The following KIAA1328 variants were observed in gnomAD, a reference collection of about 807,000 sequenced individuals.
KIAA1328 encodes the protein KIAA1328, also known as protein hinderin.
In KIAA1328, 52 loss-of-function variants were observed where a neutral mutation model predicts 68.1. The ratio of observed to expected loss-of-function variants is 0.76; its 90% CI spans 0.61 to 0.96. The LOEUF (loss-of-function observed/expected upper bound fraction) is 0.96. Among genes scored for constraint, KIAA1328 ranks in the 40% least tolerant of loss-of-function variants. KIAA1328 has a pLI of 0.00. For synonymous variants in KIAA1328, 232 were observed against 239.4 expected (o/e 0.97, Z 0.28); for missense variants, 641 against 677.6 (o/e 0.95, Z 0.60).
chr18:36,916,459 A>G (rs1286940897), intron 5 of KIAA1328, among the ~76,000 whole-genome samples: 2 of 152,006 alleles, frequency 1.3e-5, no homozygotes, highest in Non-Finnish European at 2.9e-5. Context: ...TTTTCTGTTC[A>G]GATTTTCTTC....
chr18:36,885,492 C>T, intron 4 of KIAA1328, 65 bp from the exon 5 acceptor site: 1 of 859,406 alleles, frequency 1.2e-6, no homozygotes, highest in Non-Finnish European at 1.7e-6. Context: ...TTGTAAACTG[C>T]AGCTGTAGGC....
intron 6 of KIAA1328, among the ~76,000 whole-genome samples, chr18:36,982,880 G>T (rs1330098984): frequency 6.6e-6 from 1 of 151,930 alleles, no homozygotes; most frequent in Non-Finnish European, 1.5e-5. Context: ...TTGTTGTATG[G>T]TTTTTATCCT....
rs186764465 is a variant in KIAA1328, at chr18:36,835,891, A to G, written c.237+515A>G. On this transcript the variant is annotated intron_variant, in intron 3 of 9. Transcript: ENST00000280020. ...CCAGAGTTGTTCAATACCACTTCAC[A>G]CTCACTAGGATGTCTACACAAAACT... Among the ~76,000 whole-genome samples the G allele has an allele frequency of 2.7e-4, 41 of 152,238 alleles. 1 individual carries two copies. Among genetic ancestry groups the G allele is most frequent in the Admixed American group, 2.6e-3 (39 of 15,288 alleles).
At chr18:37,209,355 T>C (rs1224549792) in intron 9 of KIAA1328, among the ~76,000 whole-genome samples, 1 of 152,170 alleles carries the variant, frequency 6.6e-6, no homozygotes, top group Non-Finnish European at 1.5e-5. Flanking sequence ...GCACCTACCT[T>C]GTGCCAGATA....
Position 37,143,880 on chromosome 18 carries a change from G to T in KIAA1328, c.1233-16320G>T, listed in dbSNP as rs368756445. Among the ~76,000 whole-genome samples the T allele has an allele frequency of 1.8e-3, 277 of 152,010 alleles. 3 individuals are homozygous for T. In the Middle Eastern group the frequency reaches 0.045, roughly 25 times the overall value. ...TTATATTTTGAAAAAATACTAACTT[G>T]GCCGTGATATGGTACCATTTTATAT... is the stretch of plus-strand genomic sequence containing the variant. On this transcript the variant is annotated intron_variant, in intron 7 of 9. Coordinates refer to ENST00000280020, the MANE Select transcript of KIAA1328 (RefSeq NM_020776.3).
intron 7 of KIAA1328, among the ~76,000 whole-genome samples, chr18:37,159,136 T>C (rs1361452174): frequency 6.6e-6 from 1 of 152,176 alleles, no homozygotes; most frequent in Non-Finnish European, 1.5e-5. Context: ...TTTCTTTATA[T>C]AATTCTGAAC....
intron 7 of KIAA1328, among the ~76,000 whole-genome samples, chr18:37,136,974 CT>C (rs1241925974): frequency 6.6e-6 from 1 of 152,032 alleles, no homozygotes; most frequent in Non-Finnish European, 1.5e-5. Context: ...CCTCTTTTTT[CT>C]TAACTTTCCC....
intron 4 of KIAA1328, among the ~76,000 whole-genome samples, chr18:36,848,891 G>A (rs2047123495): frequency 6.6e-6 from 1 of 151,160 alleles, no homozygotes; most frequent in Non-Finnish European, 1.5e-5. Flanking sequence ...TTTACCTTGT[G>A]TTCCTGGCTT....
intron 6 of KIAA1328, among the ~76,000 whole-genome samples, chr18:36,999,812 C>T (rs1036032366): frequency 6.6e-6 from 1 of 151,908 alleles, no homozygotes; most frequent in South Asian, 2.1e-4. Flanking sequence ...AAATATTTAC[C>T]ATCATGAAAA....
intron 6 of KIAA1328, among the ~76,000 whole-genome samples, chr18:36,985,344 C>T (rs530130253): frequency 2.7e-4 from 41 of 152,170 alleles, no homozygotes; most frequent in Non-Finnish European, 4.1e-4. Flanking sequence ...TCTCAGCCAG[C>T]GTTTTTTGTA....
chr18:36,926,577 T>C (rs2151130415), intron 5 of KIAA1328, among the ~76,000 whole-genome samples: 1 of 152,322 alleles, frequency 6.6e-6, no homozygotes, highest in Admixed American at 6.5e-5. Flanking sequence ...CTTTCCATAC[T>C]CTACCCTTCA....
At chr18:36,990,583 A>G (rs181827359) in intron 6 of KIAA1328, among the ~76,000 whole-genome samples, 2 of 152,122 alleles carry the variant, frequency 1.3e-5, no homozygotes, top group East Asian at 3.9e-4. Flanking sequence ...AGGCAGGAGA[A>G]TTGCTTGAAC....
intron 5 of KIAA1328, among the ~76,000 whole-genome samples, chr18:36,954,841 C>T (rs999611178): frequency 1.3e-5 from 2 of 151,636 alleles, no homozygotes; most frequent in African/African-American, 4.8e-5. Context: ...ATTACAGGCG[C>T]CCACCACCAT....
At chr18:36,889,075 G>A (rs1266290551) in intron 5 of KIAA1328, among the ~76,000 whole-genome samples, 3 of 152,134 alleles carry the variant, frequency 2.0e-5, no homozygotes, top group African/African-American at 7.2e-5. Flanking sequence ...TTTGCATCAG[G>A]ATCAGCCTGT....
intron 7 of KIAA1328, among the ~76,000 whole-genome samples, chr18:37,121,448 A>ATCTATCTG (rs1556892163): frequency 7.9e-5 from 12 of 151,824 alleles, no homozygotes; most frequent in Non-Finnish European, 1.6e-4. Flanking sequence ...CTATCTATCT[A>ATCTATCTG]TCTATCTATC....
intron 9 of KIAA1328, among the ~76,000 whole-genome samples, chr18:37,181,723 C>G (rs373024086): frequency 6.6e-6 from 1 of 152,158 alleles, no homozygotes; most frequent in African/African-American, 2.4e-5. Flanking sequence ...CTTATATTTA[C>G]TACTCACTGA....
chr18:36,896,987 T>C (rs1309463673), intron 5 of KIAA1328, among the ~76,000 whole-genome samples: 1 of 152,096 alleles, frequency 6.6e-6, no homozygotes, highest in Non-Finnish European at 1.5e-5. Flanking sequence ...TAGATGGTAA[T>C]ACTCTCACTT....
intron 5 of KIAA1328, among the ~76,000 whole-genome samples, chr18:36,953,991 G>GTTTTTTTTTTTTT (rs2051285364): frequency 1.4e-5 from 1 of 73,840 alleles, no homozygotes; most frequent in African/African-American, 3.3e-5. Flanking sequence ...TTGTCTGATT[G>GTTTTTTTTTTTTT]TTTCTTTTTT....
chr18:37,216,273 G>A (rs2060430910), intron 9 of KIAA1328, among the ~76,000 whole-genome samples: 1 of 152,028 alleles, frequency 6.6e-6, no homozygotes, highest in Non-Finnish European at 1.5e-5. Flanking sequence ...GCTTTCTCTT[G>A]TGGGCAGTTA....
Sources: gnomAD v4.1 joint callset for allele counts (sites outside exome capture counted in the v4.1 genomes callset) on GRCh38, gnomAD v4.1.1 for gene constraint, MANE v1.5 for transcripts, NCBI Gene and HGNC (gene_info 2026-07-23, HGNC 2026-07-21) for gene names.